The following KALRN variants were observed in gnomAD, a reference collection of about 807,000 sequenced individuals.
KALRN encodes the protein kalirin.
In KALRN, 70 loss-of-function variants were observed where a neutral mutation model predicts 353.7. The ratio of observed to expected loss-of-function variants is 0.20; its 90% confidence interval spans 0.16 to 0.24. The LOEUF (loss-of-function observed/expected upper bound fraction) is 0.24, where lower values mean the gene tolerates loss of function less well. Ranked by LOEUF, KALRN falls within the 10% of genes least tolerant of loss-of-function variation. The pLI is 1.00. For synonymous variants in KALRN, 1,391 were observed against 1,434.8 expected, an observed-to-expected ratio of 0.97 and a Z score of 0.69; for missense variants, 2,791 against 3,756.7, an observed-to-expected ratio of 0.74 and a Z score of 6.72.
intron 1 of KALRN, among the ~76,000 whole-genome samples, chr3:124,135,721 A>C (rs2065849673): frequency 1.3e-5 from 2 of 151,902 alleles, no homozygotes; most frequent in South Asian, 4.2e-4. Context: ...ATGAACAGTC[A>C]TGAAGTTTTC....
At chr3:124,122,816 C>A (rs1018577729) in intron 1 of KALRN, among the ~76,000 whole-genome samples, 2 of 152,146 alleles carry the variant, frequency 1.3e-5, no homozygotes, top group South Asian at 2.1e-4. Flanking sequence ...CTACAGTGGC[C>A]TCTAAGTGTT....
At chr3:124,516,329 G>A (rs1268063318) in intron 33 of KALRN, among the ~76,000 whole-genome samples, 4 of 152,302 alleles carry the variant, frequency 2.6e-5, no homozygotes, top group East Asian at 3.9e-4. Flanking sequence ...CTTGCCAGCT[G>A]TATGATCCTG....
At chr3:124,482,247 A>G (rs1369368994) in intron 27 of KALRN, among the ~76,000 whole-genome samples, 3 of 152,254 alleles carry the variant, frequency 2.0e-5, no homozygotes, top group Non-Finnish European at 1.5e-5. Flanking sequence ...ATTTATCACA[A>G]TGAACATTTA....
At chr3:124,596,397 G>T (rs2076267165) in intron 34 of KALRN, among the ~76,000 whole-genome samples, 1 of 152,126 alleles carries the variant, frequency 6.6e-6, no homozygotes, top group Non-Finnish European at 1.5e-5. Flanking sequence ...AACCCAAGAG[G>T]TGGAGGTTGC....
intron 33 of KALRN, among the ~76,000 whole-genome samples, chr3:124,547,814 CTTT>C (rs1373673076): frequency 6.8e-6 from 1 of 147,176 alleles, no homozygotes; most frequent in Admixed American, 6.8e-5. Context: ...AGGGGACTCT[CTTT>C]TTTTTCTCTT....
chr3:124,674,695 C>G, intron 49 of KALRN, 81 bp downstream of exon 49: 1 of 1,379,158 alleles, frequency 7.3e-7, no homozygotes, highest in South Asian at 1.5e-5. Context: ...CACAAAAATG[C>G]AAACACATGG....
intron 58 of KALRN, among the ~76,000 whole-genome samples, chr3:124,715,124 C>T (rs2063077656): frequency 6.6e-6 from 1 of 151,846 alleles, no homozygotes; most frequent in South Asian, 2.1e-4. Flanking sequence ...TTTAATATAA[C>T]ATGATAAATA....
At chr3:124,410,848 A>T (rs1462689400) in intron 13 of KALRN, among the ~76,000 whole-genome samples, 1 of 152,220 alleles carries the variant, frequency 6.6e-6, no homozygotes, top group Non-Finnish European at 1.5e-5. Context: ...CCCCTAAGTA[A>T]TTGTGCAAGA....
intron 1 of KALRN, among the ~76,000 whole-genome samples, chr3:124,212,061 C>T (rs894837475): frequency 6.6e-5 from 10 of 151,904 alleles, no homozygotes; most frequent in African/African-American, 2.2e-4. Flanking sequence ...TTTAAGAGAC[C>T]AAAGCGGCAG....
intron 32 of KALRN, among the ~76,000 whole-genome samples, chr3:124,495,959 A>ATG (rs1206925516): frequency 3.0e-5 from 1 of 32,986 alleles, no homozygotes; most frequent in Non-Finnish European, 5.1e-5. Flanking sequence ...GTGTATGTGT[A>ATG]TGTATGTATA....
intron 1 of KALRN, among the ~76,000 whole-genome samples, chr3:124,105,701 C>G (rs1277776817): frequency 6.6e-6 from 1 of 152,008 alleles, no homozygotes; most frequent in African/African-American, 2.4e-5. Flanking sequence ...TGAGAAGAAA[C>G]CAGATTGCAG....
At chr3:124,548,782 T>C (rs979791151) in intron 33 of KALRN, among the ~76,000 whole-genome samples, 1 of 152,220 alleles carries the variant, frequency 6.6e-6, no homozygotes, top group African/African-American at 2.4e-5. Flanking sequence ...ACCTCCCAAG[T>C]AGCTGGGATT....
chr3:124,175,428 C>T (rs1000652716), intron 1 of KALRN, among the ~76,000 whole-genome samples: 2 of 151,674 alleles, frequency 1.3e-5, no homozygotes, highest in African/African-American at 2.4e-5. Context: ...TGCGCGCTGC[C>T]GAGGGTCCAG....
intron 13 of KALRN, among the ~76,000 whole-genome samples, chr3:124,410,681 A>G (rs559583283): frequency 6.6e-6 from 1 of 152,236 alleles, no homozygotes; most frequent in Non-Finnish European, 1.5e-5. Flanking sequence ...AAAATTAAAT[A>G]GACTGATAAT....
intron 11 of KALRN, among the ~76,000 whole-genome samples, chr3:124,390,811 C>T (rs1018238454): frequency 5.9e-5 from 9 of 152,110 alleles, no homozygotes; most frequent in African/African-American, 1.9e-4. Context: ...ACCACTCATC[C>T]GTAAGCCTTG....
chr3:124,344,800 T>A (rs2082109937), intron 9 of KALRN, among the ~76,000 whole-genome samples: 1 of 152,124 alleles, frequency 6.6e-6, no homozygotes. Context: ...AAGAAATAGG[T>A]TTTTAAGTGA....
intron 57 of KALRN, among the ~76,000 whole-genome samples, chr3:124,703,478 G>GT (rs1352813116): frequency 6.6e-6 from 1 of 152,024 alleles, no homozygotes; most frequent in African/African-American, 2.4e-5. Context: ...ATGAGATACT[G>GT]TTTGAGCAGA....
At chr3:124,688,786 T>C (rs2061676995) in intron 51 of KALRN, among the ~76,000 whole-genome samples, 1 of 152,112 alleles carries the variant, frequency 6.6e-6, no homozygotes, top group African/African-American at 2.4e-5. Flanking sequence ...AGTCTTAGAG[T>C]CAGTCAGACA....
intron 9 of KALRN, among the ~76,000 whole-genome samples, chr3:124,336,075 A>G (rs1581097792): frequency 6.6e-6 from 1 of 152,122 alleles, no homozygotes; most frequent in East Asian, 1.9e-4. Context: ...GGGGATAGTC[A>G]CTGTGCAATC....
Sources: allele counts gnomAD v4.1 joint callset (sites outside exome capture counted in the v4.1 genomes callset), GRCh38; gene constraint gnomAD v4.1.1; transcripts MANE v1.5; gene names NCBI Gene and HGNC (gene_info 2026-07-23, HGNC 2026-07-21).